The following GBF1 variants were observed in gnomAD, a reference collection of about 807,000 sequenced individuals.
GBF1 encodes golgi brefeldin A resistant guanine nucleotide exchange factor 1, also known as Golgi-specific brefeldin A-resistance guanine nucleotide exchange factor 1.
A neutral mutation model predicts 210.5 loss-of-function variants in GBF1; 114 were observed. The observed-to-expected ratio is 0.54, with a 90% CI of 0.47 to 0.63. The LOEUF (loss-of-function observed/expected upper bound fraction) is 0.63, where lower values mean the gene tolerates loss of function less well. Among genes scored for constraint, GBF1 ranks in the 30% least tolerant of loss-of-function variants. GBF1 has a pLI of 0.00. For synonymous variants in GBF1, 850 were observed against 889.2 expected, an observed-to-expected ratio of 0.96 and a Z score of 0.78; for missense variants, 1,851 against 2,357.7, an observed-to-expected ratio of 0.79 and a Z score of 4.45.
chr10:102,349,916 A>T (rs898934793), intron 4 of GBF1, among the ~76,000 whole-genome samples: 1 of 152,086 alleles, frequency 6.6e-6, no homozygotes, highest in African/African-American at 2.4e-5. Flanking sequence ...TGTACAGCTG[A>T]AATTCTCCCT....
chr10:102,293,764 G>GTTTTTTTTTTTT (rs1263151407), intron 3 of GBF1, among the ~76,000 whole-genome samples: 596 of 50,838 alleles, frequency 0.012, 205 homozygotes, highest in Non-Finnish European at 0.017. Flanking sequence ...GCTGTAGTAT[G>GTTTTTTTTTTTT]TTTTGTGTTT....
the GBF1 span, chr10:102,230,958 G>T: frequency 6.2e-7 from 1 of 1,608,358 alleles, no homozygotes; most frequent in Non-Finnish European, 8.5e-7. Context: ...TGGGCGGCCA[G>T]TTGCCGTACG....
intron 3 of GBF1, among the ~76,000 whole-genome samples, chr10:102,305,751 C>T (rs1367005333): frequency 3.9e-5 from 6 of 152,196 alleles, no homozygotes; most frequent in Non-Finnish European, 7.3e-5. Context: ...GAAATAAATT[C>T]GAGTCCTTTC....
At chr10:102,314,724 A>AGTT (rs2078783700) in intron 3 of GBF1, among the ~76,000 whole-genome samples, 1 of 152,196 alleles carries the variant, frequency 6.6e-6, no homozygotes, top group African/African-American at 2.4e-5. Context: ...AAGTTAGCAG[A>AGTT]AGCATAATTT....
chr10:102,231,235 G>C, the GBF1 span: 11 of 906,756 alleles, frequency 1.2e-5, no homozygotes, highest in Middle Eastern at 3.3e-4. Flanking sequence ...GACGGGGTGG[G>C]AGGGAAGGAG....
intron 3 of GBF1, among the ~76,000 whole-genome samples, chr10:102,334,208 A>G (rs1045300871): frequency 6.6e-6 from 1 of 152,218 alleles, no homozygotes; most frequent in African/African-American, 2.4e-5. Flanking sequence ...CTGAAGCCAA[A>G]TGGTGTTGAA....
chr10:102,370,922 A>C, intron 29 of GBF1, 62 bp downstream of exon 29: 2 of 1,458,282 alleles, frequency 1.4e-6, no homozygotes, highest in South Asian at 2.3e-5. Flanking sequence ...ACAGTTGTCA[A>C]TTATGAATAT....
At chr10:102,239,360 C>T in the GBF1 span, among the ~76,000 whole-genome samples, 1 of 152,212 alleles carries the variant, frequency 6.6e-6, no homozygotes, top group Non-Finnish European at 1.5e-5. Flanking sequence ...TTCAGGGAAC[C>T]ATCTGTAATG....
At chr10:102,274,322 GTCCCA>G (rs2074710601) in intron 3 of GBF1, among the ~76,000 whole-genome samples, 1 of 152,092 alleles carries the variant, frequency 6.6e-6, no homozygotes, top group Non-Finnish European at 1.5e-5. Context: ...CACATTGTCT[GTCCCA>G]CCTCCACCCT....
intron 3 of GBF1, among the ~76,000 whole-genome samples, chr10:102,297,945 G>T (rs1277973059): frequency 5.3e-5 from 8 of 151,904 alleles, no homozygotes; most frequent in African/African-American, 9.7e-5. Context: ...TTTGGTTTTG[G>T]TTTTTTTGAG....
chr10:102,305,175 T>TTG (rs60026956), intron 3 of GBF1, among the ~76,000 whole-genome samples: 6,648 of 139,664 alleles, frequency 0.048, 198 homozygotes, highest in Admixed American at 0.092. Flanking sequence ...ATATGCAGAT[T>TTG]TGTGTGTGTG....
At chr10:102,296,731 ACT>A (rs1209168014) in intron 3 of GBF1, among the ~76,000 whole-genome samples, 5 of 146,610 alleles carry the variant, frequency 3.4e-5, no homozygotes, top group African/African-American at 1.3e-4. Context: ...ACAGAGTGAG[ACT>A]CTGTCTCAAA....
chr10:102,258,713 G>A (rs1419057965), intron 1 of GBF1, among the ~76,000 whole-genome samples: 2 of 150,036 alleles, frequency 1.3e-5, no homozygotes. Flanking sequence ...GGCAGAGGTT[G>A]TGGTGAGCCA....
intron 1 of GBF1, among the ~76,000 whole-genome samples, chr10:102,250,090 CA>C: frequency 1.2e-5 from 1 of 84,606 alleles, no homozygotes; most frequent in African/African-American, 5.9e-5. Context: ...GAAAGTCCAT[CA>C]GTTTTTCTTG....
At chr10:102,248,542 A>C (rs1302851296) in intron 1 of GBF1, among the ~76,000 whole-genome samples, 1 of 152,154 alleles carries the variant, frequency 6.6e-6, no homozygotes, top group Admixed American at 6.5e-5. Context: ...AGGTAATGTA[A>C]ATGAGTTAAT....
intron 2 of GBF1, 44 bp from the exon 3 acceptor site, chr10:102,260,006 C>G: frequency 9.5e-7 from 1 of 1,050,632 alleles, no homozygotes; most frequent in Non-Finnish European, 1.5e-6. Flanking sequence ...TCCTTTTCCT[C>G]TTTTGGCCCA....
At position 102,368,839 on chromosome 10, in the gene GBF1, A is replaced by T; in HGVS notation, c.2973+7A>T. 1 of 1,575,658 alleles carries T rather than the reference A, an allele frequency of 6.3e-7. No individual in the cohort carries two copies. Among genetic ancestry groups the T allele is most frequent in the Non-Finnish European group, 8.7e-7 (1 of 1,145,144 alleles). On this transcript the variant is annotated splice_region_variant and intron_variant, in intron 23 of 39. Transcript: ENST00000369983. ...CACAGCTCTCAGCAGTGAGGTGAGC[A>T]GGTGCAGGAACTGTGTACTTGGAGC...
chr10:102,303,847 A>G (rs1247375892), intron 3 of GBF1, among the ~76,000 whole-genome samples: 1 of 152,170 alleles, frequency 6.6e-6, no homozygotes, highest in Non-Finnish European at 1.5e-5. Flanking sequence ...TCTTATCTGA[A>G]TGTTTTAAAT....
In GBF1 at chr10:102,366,534, C is replaced by T; in HGVS notation, c.2433+28C>T. ...GAGTTTGAGTGTCAGGGGCTGAGCCCAGGATCCAAGGTCAGTTTGACTGAG... is the reference window on the plus strand; with the variant it reads ...GAGTTTGAGTGTCAGGGGCTGAGCCTAGGATCCAAGGTCAGTTTGACTGAG... On this transcript the variant is annotated intron_variant, in intron 19 of 39. Transcript: ENST00000369983. This position sits in a 1 kb window ranked among gnomAD's most constrained non-coding sequence, Gnocchi z 4.0. 3 of 1,607,676 alleles carry T rather than the reference C, an allele frequency of 1.9e-6. No individual in the cohort carries two copies. In the South Asian group the frequency reaches 3.3e-5, roughly 18 times the overall value.
Sources: allele counts gnomAD v4.1 joint callset (sites outside exome capture counted in the v4.1 genomes callset), GRCh38; gene constraint gnomAD v4.1.1; non-coding constraint Gnocchi (gnomAD v3.1); transcripts MANE v1.5; gene names NCBI Gene and HGNC (gene_info 2026-07-23, HGNC 2026-07-21).